The following FAM91A1 variants were observed in gnomAD, a reference collection of about 807,000 sequenced individuals.
The protein encoded by FAM91A1 is family with sequence similarity 91 member A1.
A neutral mutation model predicts 113.5 loss-of-function variants in FAM91A1; 41 were observed. The observed-to-expected ratio is 0.36, with a 90% CI of 0.28 to 0.47. FAM91A1 has a LOEUF of 0.47. FAM91A1 is among the 20% of genes least tolerant of loss of function. The pLI is 1.00. For missense variants in FAM91A1, 696 were observed against 1,001.2 expected (o/e 0.70, Z 4.11); for synonymous variants, 307 against 347.9 (o/e 0.88, Z 1.31).
chr8:123,771,647 A>G lies in FAM91A1; in HGVS notation c.73-2433A>G, dbSNP rs560329049. On this transcript the variant is annotated intron_variant, in intron 1 of 23. Coordinates refer to ENST00000334705, the MANE Select transcript of FAM91A1 (RefSeq NM_144963.4). Reference sequence around the variant, plus strand: ...TACCACTATCTTGTATTCTTTATCCAAAATAATTAATAGCCCTTTTATTTT... The same window carrying G: ...TACCACTATCTTGTATTCTTTATCCGAAATAATTAATAGCCCTTTTATTTT... 4.5e-4 allele frequency among the ~76,000 whole-genome samples: 68 copies of G among 152,328 alleles called. 1 individual carries two copies. The South Asian group carries it at 6.4e-3, about 14-fold the overall frequency.
At chr8:123,778,632 A>G (rs1296832240) in intron 5 of FAM91A1, 27 bp from the exon 6 acceptor site, 11 of 1,559,816 alleles carry the variant, frequency 7.1e-6, no homozygotes, top group Non-Finnish European at 9.7e-6. Flanking sequence ...TTAGATTGCA[A>G]ATTCTCAAAT....
At chr8:123,804,810 T>G (rs1815766484) in intron 18 of FAM91A1, among the ~76,000 whole-genome samples, 1 of 152,230 alleles carries the variant, frequency 6.6e-6, no homozygotes, top group Non-Finnish European at 1.5e-5. Context: ...TTTGGTTGTT[T>G]CCAATTATAT....
At chr8:123,778,199 T>C (rs1815034535) in intron 5 of FAM91A1, 107 bp downstream of exon 5, 1 of 756,418 alleles carries the variant, frequency 1.3e-6, no homozygotes, top group Admixed American at 3.1e-5. Context: ...AAATAAAATG[T>C]ACTTAACACA....
chr8:123,809,047 A>G (rs1448123548), intron 22 of FAM91A1, 31 bp downstream of exon 22: 2 of 1,603,324 alleles, frequency 1.2e-6, no homozygotes, highest in Admixed American at 3.4e-5. Context: ...TCATATTTTC[A>G]TATCAATTTT....
Position 123,813,207 on chromosome 8 carries a change from T to C in FAM91A1, c.*503T>C, listed in dbSNP as rs1816001217. On this transcript the variant is annotated 3_prime_UTR_variant, in exon 24 of 24. Transcript: ENST00000334705. ...ATTGAGAGATGATATGATAGGGCAT[T>C]ATGAATTCCTATGGGTGTCTGTAAA... 1 of 152,672 alleles carries C rather than the reference T, an allele frequency of 6.5e-6. No homozygotes were observed. Among genetic ancestry groups the C allele is most frequent in the Non-Finnish European group, 1.5e-5 (1 of 68,064 alleles). The allele number at this position is 152,672 out of a possible 1,614,324, so 9.5% of individuals were successfully genotyped here.
At chr8:123,787,225 T>G (rs1815280271) in intron 12 of FAM91A1, 36 bp from the exon 13 acceptor site, 1 of 1,440,102 alleles carries the variant, frequency 6.9e-7, no homozygotes, top group African/African-American at 1.4e-5. Flanking sequence ...AAGAATAATT[T>G]CCATTTACTT....
chr8:123,770,168 G>T (rs1248712742), intron 1 of FAM91A1, among the ~76,000 whole-genome samples: 1 of 152,138 alleles, frequency 6.6e-6, no homozygotes, highest in Non-Finnish European at 1.5e-5. Flanking sequence ...GGCCAGGCTG[G>T]TCTCGATATC....
At chr8:123,803,522 CAA>C (rs1815737105) in intron 18 of FAM91A1, among the ~76,000 whole-genome samples, 1 of 152,052 alleles carries the variant, frequency 6.6e-6, no homozygotes, top group East Asian at 1.9e-4. Context: ...AGGCTGGTCT[CAA>C]ACTCCTGGGC....
At chr8:123,784,433 CT>C in intron 8 of FAM91A1, 36 bp from the exon 9 acceptor site, 1 of 1,459,010 alleles carries the variant, frequency 6.9e-7, no homozygotes, top group South Asian at 1.3e-5. Flanking sequence ...TTTATAAAAT[CT>C]GTACCACTGA....
At chr8:123,769,819 A>G (rs1460754797) in intron 1 of FAM91A1, among the ~76,000 whole-genome samples, 1 of 152,266 alleles carries the variant, frequency 6.6e-6, no homozygotes, top group Non-Finnish European at 1.5e-5. Flanking sequence ...CTCTGGTCAT[A>G]GATTGACCTT....
At chr8:123,772,330 T>C (rs1814868270) in intron 1 of FAM91A1, among the ~76,000 whole-genome samples, 1 of 152,224 alleles carries the variant, frequency 6.6e-6, no homozygotes, top group Non-Finnish European at 1.5e-5. Flanking sequence ...TGAGTATGCA[T>C]GTGTGTGTAT....
intron 9 of FAM91A1, chr8:123,784,783 TA>T (rs1815211998): frequency 4.6e-6 from 2 of 431,948 alleles, no homozygotes; most frequent in South Asian, 8.6e-5. Flanking sequence ...GTTAACTTTT[TA>T]TATGACTTTT....
At chr8:123,795,218 G>A (rs1815482629) in intron 15 of FAM91A1, among the ~76,000 whole-genome samples, 1 of 152,182 alleles carries the variant, frequency 6.6e-6, no homozygotes, top group South Asian at 2.1e-4. Context: ...AGGAGAAGCA[G>A]TTTCTGTTGA....
chr8:123,798,055 C>CT, intron 15 of FAM91A1, 35 bp from the exon 16 acceptor site: 1 of 1,578,832 alleles, frequency 6.3e-7, no homozygotes, highest in Admixed American at 1.8e-5. Flanking sequence ...CACTCTCAGT[C>CT]TTTTATTCTG....
At chr8:123,794,943 A>T (rs553612643) in intron 15 of FAM91A1, among the ~76,000 whole-genome samples, 1 of 152,390 alleles carries the variant, frequency 6.6e-6, no homozygotes, top group South Asian at 2.1e-4. Context: ...AGCTGTTTTT[A>T]CATCTGTGCC....
Position 123,789,603 on chromosome 8 carries a change from C to G in FAM91A1, c.1279-10C>G. ...ATTTTTGTTGCAAAATCTATTTTCT[C>G]TTGGTTTAGGTTCAGAGCACTGGTG... On this transcript the variant is annotated splice_polypyrimidine_tract_variant and intron_variant, in intron 14 of 23. Coordinates refer to ENST00000334705, the MANE Select transcript of FAM91A1 (RefSeq NM_144963.4). The G allele has an allele frequency of 1.2e-6, 2 of 1,611,180 alleles. No individual in the cohort carries two copies. Among genetic ancestry groups the G allele is most frequent in the Non-Finnish European group, 1.7e-6 (2 of 1,179,524 alleles).
At chr8:123,770,294 C>G (rs868330394) in intron 1 of FAM91A1, among the ~76,000 whole-genome samples, 1 of 152,192 alleles carries the variant, frequency 6.6e-6, no homozygotes, top group African/African-American at 2.4e-5. Context: ...CTCCCTTCCT[C>G]CCTTGGGGAT....
At position 123,768,491 on chromosome 8, in the gene FAM91A1, G is replaced by A. The variant is rs773675025; in HGVS notation, c.-212G>A. 8.3e-6 allele frequency: 4 copies of A among 481,904 alleles called. No homozygotes were observed. Among genetic ancestry groups the A allele is most frequent in the Non-Finnish European group, 1.5e-5 (4 of 274,344 alleles). 29.9% of individuals were successfully genotyped at this position (481,904 alleles called of 1,614,324 possible). ...GGAAGAAACTTGGAGCTGTTCAGGC[G>A]ATCCAGCCTCCAATCGCTGCTGCTC... On this transcript the variant is annotated 5_prime_UTR_variant, in exon 1 of 24. Transcript: ENST00000334705.
chr8:123,807,480 C>CAAAAAA (rs546080328), intron 20 of FAM91A1, among the ~76,000 whole-genome samples: 10 of 58,816 alleles, frequency 1.7e-4, no homozygotes, highest in Admixed American at 6.4e-4. Flanking sequence ...CCTGTCTCTA[C>CAAAAAA]AAAAAAAAAA....
Sources: allele counts gnomAD v4.1 joint callset (sites outside exome capture counted in the v4.1 genomes callset), GRCh38; gene constraint gnomAD v4.1.1; transcripts MANE v1.5; gene names NCBI Gene and HGNC (gene_info 2026-07-23, HGNC 2026-07-21).